The following ALK variants were observed in gnomAD, a reference collection of about 807,000 sequenced individuals.
The protein encoded by ALK is ALK receptor tyrosine kinase, also known as ALK tyrosine kinase receptor.
Under a neutral mutation model 163.1 loss-of-function variants are expected in ALK, and 74 were observed. The observed-to-expected ratio is 0.45, with a 90% CI of 0.38 to 0.55. The LOEUF is 0.55. ALK is among the 20% of genes least tolerant of loss of function. ALK has a pLI of 0.00. For missense variants in ALK, 2,063 were observed against 2,105.3 expected, an observed-to-expected ratio of 0.98 and a Z score of 0.39; for synonymous variants, 960 against 843.2, an observed-to-expected ratio of 1.14 and a Z score of -2.40.
chr2:29,485,712 C>G (rs1301847135), intron 4 of ALK, among the ~76,000 whole-genome samples: 2 of 152,180 alleles, frequency 1.3e-5, no homozygotes, highest in African/African-American at 2.4e-5. Context: ...CCAGGCTCAC[C>G]CCTTCCTGTC....
At chr2:29,216,180 G>A (rs1231751475) in intron 23 of ALK, among the ~76,000 whole-genome samples, 1 of 152,324 alleles carries the variant, frequency 6.6e-6, no homozygotes, top group African/African-American at 2.4e-5. Context: ...TCTGCCGCTG[G>A]AGTGCAGCAC....
At chr2:29,560,557 TTTTC>T (rs1352008282) in intron 3 of ALK, among the ~76,000 whole-genome samples, 11 of 151,884 alleles carry the variant, frequency 7.2e-5, no homozygotes, top group African/African-American at 2.2e-4. Flanking sequence ...CTTCTCCTTC[TTTTC>T]TTCCTTCCTT....
chr2:29,708,385 A>G (rs1055476713), intron 2 of ALK, among the ~76,000 whole-genome samples: 1 of 152,206 alleles, frequency 6.6e-6, no homozygotes, highest in Non-Finnish European at 1.5e-5. Flanking sequence ...AGATTTAAAC[A>G]GGCAATGCAG....
At position 29,871,762 on chromosome 2, in the gene ALK, A is replaced by C. The variant is rs6721941; in HGVS notation, c.667+48231T>G. 9.7e-3 allele frequency among the ~76,000 whole-genome samples: 1,476 copies of C among 152,346 alleles called. 26 individuals carry two copies. Among genetic ancestry groups the C allele is most frequent in the African/African-American group, 0.034 (1,416 of 41,574 alleles). ...TTATTTTACATAGGAGAAAAACTGA[A>C]GTCCAGAGAGAGGAAGTGACTCATC... On this transcript the variant is annotated intron_variant, in intron 1 of 28. Coordinates refer to ENST00000389048, the MANE Select transcript of ALK (RefSeq NM_004304.5).
At position 29,498,434 on chromosome 2, in the gene ALK, T is replaced by C. The variant is rs539719076; in HGVS notation, c.1154+33481A>G. On this transcript the variant is annotated intron_variant, in intron 4 of 28. Coordinates refer to ENST00000389048, the MANE Select transcript of ALK (RefSeq NM_004304.5). ...ATGTGGGTGGAGGGCCTATGAGATA[T>C]AGAGGAAATTACTGATGCTTTCTCT... 2.6e-5 allele frequency among the ~76,000 whole-genome samples: 4 copies of C among 152,248 alleles called. No homozygotes were observed. The East Asian group carries it at 5.8e-4, about 22-fold the overall frequency.
At chr2:29,903,525 T>G (rs532573511) in intron 1 of ALK, among the ~76,000 whole-genome samples, 2 of 152,118 alleles carry the variant, frequency 1.3e-5, no homozygotes, top group Non-Finnish European at 2.9e-5. Context: ...ATAGTTTTTA[T>G]GTATGTATGT....
intron 3 of ALK, among the ~76,000 whole-genome samples, chr2:29,553,029 C>A (rs774278046): frequency 6.6e-6 from 1 of 152,136 alleles, no homozygotes; most frequent in Non-Finnish European, 1.5e-5. Context: ...CTTTATTCAG[C>A]GAAATTCTAA....
chr2:29,407,332 A>T (rs540866576), intron 4 of ALK, among the ~76,000 whole-genome samples: 67 of 152,352 alleles, frequency 4.4e-4, no homozygotes, highest in Admixed American at 3.6e-3. Flanking sequence ...GTCATTATTC[A>T]CAGTTAACAT....
At chr2:29,457,344 G>A (rs1043024689) in intron 4 of ALK, among the ~76,000 whole-genome samples, 1 of 152,104 alleles carries the variant, frequency 6.6e-6, no homozygotes, top group South Asian at 2.1e-4. Context: ...GAAGTAAACC[G>A]GAAGGGATGA....
At chr2:29,200,955 G>T (rs999821611) in intron 26 of ALK, among the ~76,000 whole-genome samples, 6 of 151,424 alleles carry the variant, frequency 4.0e-5, no homozygotes, top group African/African-American at 1.5e-4. Context: ...AAACATTATT[G>T]CTGATTAAAC....
chr2:29,272,092 C>T (rs1461237052), intron 11 of ALK, among the ~76,000 whole-genome samples: 1 of 151,290 alleles, frequency 6.6e-6, no homozygotes, highest in Admixed American at 6.6e-5. Context: ...TGTTCCTCCT[C>T]ACTGCTAACA....
chr2:29,451,406 C>T (rs539174017), intron 4 of ALK, among the ~76,000 whole-genome samples: 8 of 152,292 alleles, frequency 5.3e-5, no homozygotes, highest in Admixed American at 1.3e-4. Flanking sequence ...TTTAGCTTGG[C>T]TCCAAGGCCC....
chr2:29,784,710 C>A (rs11693591), intron 1 of ALK, among the ~76,000 whole-genome samples: 35 of 25,058 alleles, frequency 1.4e-3, no homozygotes, highest in African/African-American at 3.1e-3. Flanking sequence ...ACAACAACAA[C>A]AAAAACAACA....
intron 5 of ALK, among the ~76,000 whole-genome samples, chr2:29,358,357 CT>C (rs1668301599): frequency 6.6e-6 from 1 of 152,060 alleles, no homozygotes; most frequent in South Asian, 2.1e-4. Flanking sequence ...ATGTTCTGGC[CT>C]TAGCTGAAAA....
chr2:29,350,951 G>T (rs1001137646), intron 5 of ALK, among the ~76,000 whole-genome samples: 21 of 152,182 alleles, frequency 1.4e-4, no homozygotes, highest in African/African-American at 4.8e-4. Context: ...TTCATGAAAA[G>T]ATTATTTTGT....
intron 9 of ALK, among the ~76,000 whole-genome samples, chr2:29,277,198 G>A (rs527653715): frequency 1.5e-4 from 23 of 152,304 alleles, no homozygotes; most frequent in African/African-American, 5.5e-4. Context: ...AAGAGATATG[G>A]AAAGAAAGGG....
At chr2:29,866,700 T>C (rs749128382) in intron 1 of ALK, among the ~76,000 whole-genome samples, 1 of 152,090 alleles carries the variant, frequency 6.6e-6, no homozygotes, top group East Asian at 1.9e-4. Flanking sequence ...AAGTTAAAGA[T>C]GAAAAGAACT....
At chr2:29,283,313 G>C (rs1665761209) in intron 9 of ALK, among the ~76,000 whole-genome samples, 1 of 152,198 alleles carries the variant, frequency 6.6e-6, no homozygotes, top group African/African-American at 2.4e-5. Flanking sequence ...GAAAAGTAGA[G>C]CAAGCTCCTT....
At chr2:29,818,048 C>T (rs1664943979) in intron 1 of ALK, among the ~76,000 whole-genome samples, 1 of 152,212 alleles carries the variant, frequency 6.6e-6, no homozygotes, top group Non-Finnish European at 1.5e-5. Context: ...GAACAAAGTG[C>T]ATTACAGATA....
Sources: gnomAD v4.1 joint callset for allele counts (sites outside exome capture counted in the v4.1 genomes callset) on GRCh38, gnomAD v4.1.1 for gene constraint, MANE v1.5 for transcripts, NCBI Gene and HGNC (gene_info 2026-07-23, HGNC 2026-07-21) for gene names.